The following ERP44 variants were observed in gnomAD, a reference collection of about 807,000 sequenced individuals.
ERP44 encodes endoplasmic reticulum protein 44.
A neutral mutation model predicts 53.4 loss-of-function variants in ERP44; 25 were observed. The ratio of observed to expected loss-of-function variants is 0.47; its 90% CI spans 0.34 to 0.65. The LOEUF is 0.65. Ranked by LOEUF, ERP44 falls within the 30% of genes least tolerant of loss-of-function variation. ERP44 has a pLI of 0.01. For missense variants in ERP44, 338 were observed against 493.2 expected, an observed-to-expected ratio of 0.69 and a Z score of 2.98; for synonymous variants, 145 against 161.2, an observed-to-expected ratio of 0.90 and a Z score of 0.76.
intron 1 of ERP44, among the ~76,000 whole-genome samples, chr9:100,074,740 G>A (rs1403045132): frequency 6.6e-6 from 1 of 152,186 alleles, no homozygotes; most frequent in East Asian, 1.9e-4. Context: ...GGGACTACTG[G>A]ACACTGGATC....
chr9:100,019,423 C>A (rs1189210200), intron 6 of ERP44, among the ~76,000 whole-genome samples: 2 of 152,042 alleles, frequency 1.3e-5, no homozygotes, highest in African/African-American at 4.8e-5. Flanking sequence ...AACATACAAA[C>A]AAAATCTCAC....
intron 10 of ERP44, among the ~76,000 whole-genome samples, chr9:99,997,475 A>G (rs1830325075): frequency 6.6e-6 from 1 of 152,212 alleles, no homozygotes; most frequent in Non-Finnish European, 1.5e-5. Context: ...ACATTTAACA[A>G]TTTCACTGAA....
At chr9:100,003,317 G>A (rs1830396500) in intron 10 of ERP44, among the ~76,000 whole-genome samples, 1 of 152,148 alleles carries the variant, frequency 6.6e-6, no homozygotes, top group African/African-American at 2.4e-5. Context: ...GTCAGCTTCT[G>A]GGAGATTATT....
chr9:99,983,121 T>C (rs1830164650), intron 11 of ERP44, among the ~76,000 whole-genome samples: 1 of 152,176 alleles, frequency 6.6e-6, no homozygotes, highest in South Asian at 2.1e-4. Flanking sequence ...ATCTTAGTTA[T>C]CAATTACCAG....
chr9:100,079,416 A>ACACG (rs1826396129), intron 1 of ERP44, among the ~76,000 whole-genome samples: 1 of 54,742 alleles, frequency 1.8e-5, no homozygotes, highest in African/African-American at 2.0e-4. Flanking sequence ...TCCCCTTTAC[A>ACACG]CACACACACA....
At chr9:100,055,873 C>G (rs1314243239) in intron 3 of ERP44, among the ~76,000 whole-genome samples, 19 of 152,178 alleles carry the variant, frequency 1.2e-4, no homozygotes, top group Admixed American at 1.2e-3. Flanking sequence ...TTAAACTGTG[C>G]CACATCCATA....
At chr9:100,036,360 G>C (rs1038944448) in intron 4 of ERP44, among the ~76,000 whole-genome samples, 3 of 152,200 alleles carry the variant, frequency 2.0e-5, no homozygotes, top group African/African-American at 4.8e-5. Flanking sequence ...GGATGCAGCT[G>C]GAGGCCATTA....
chr9:100,092,632 G>A (rs1163301210), intron 1 of ERP44, among the ~76,000 whole-genome samples: 1 of 152,188 alleles, frequency 6.6e-6, no homozygotes, highest in Non-Finnish European at 1.5e-5. Context: ...ACTCTATCTT[G>A]TGAGTACATT....
chr9:100,079,982 T>C (rs559529267), intron 1 of ERP44, among the ~76,000 whole-genome samples: 4 of 151,990 alleles, frequency 2.6e-5, no homozygotes, highest in African/African-American at 9.6e-5. Context: ...TCAAAGATTA[T>C]TCAGTTATAT....
chr9:100,017,328 A>T (rs1304472474), intron 7 of ERP44, among the ~76,000 whole-genome samples: 3 of 152,206 alleles, frequency 2.0e-5, no homozygotes. Context: ...GGGGAAGCGA[A>T]GAAACTTTCC....
Position 99,980,324 on chromosome 9 carries a change from C to G in ERP44, c.*2288G>C, listed in dbSNP as rs1042553285. On this transcript the variant is annotated 3_prime_UTR_variant, in exon 12 of 12. Coordinates refer to ENST00000262455, the MANE Select transcript of ERP44 (RefSeq NM_015051.3). ...ATATACTACAGCACCAAAAAACTTG[C>G]ACTGAATAAATGTCAGACTGAAATC... 5 of 328,498 alleles carry G rather than the reference C, an allele frequency of 1.5e-5. No homozygotes were observed. Among genetic ancestry groups the G allele is most frequent in the Non-Finnish European group, 2.2e-5 (4 of 182,590 alleles). The allele number at this position is 328,498 out of a possible 1,614,324, so 20.3% of individuals were successfully genotyped here.
At chr9:100,011,398 G>A (rs1359048891) in intron 8 of ERP44, among the ~76,000 whole-genome samples, 4 of 152,130 alleles carry the variant, frequency 2.6e-5, no homozygotes, top group Non-Finnish European at 4.4e-5. Context: ...TATATATCCA[G>A]TATTAAAAAG....
chr9:100,088,222 A>G (rs1253228954), intron 1 of ERP44, among the ~76,000 whole-genome samples: 1 of 152,276 alleles, frequency 6.6e-6, no homozygotes, highest in Non-Finnish European at 1.5e-5. Flanking sequence ...AGTAAACAAC[A>G]TACATAGTAA....
chr9:99,984,941 C>CA, intron 11 of ERP44, 26 bp downstream of exon 11: 1 of 1,434,328 alleles, frequency 7.0e-7, no homozygotes, highest in Non-Finnish European at 9.8e-7. Flanking sequence ...AAAGAGTTCT[C>CA]ATTGAAAAAT....
intron 4 of ERP44, among the ~76,000 whole-genome samples, chr9:100,036,430 G>A (rs1400415918): frequency 6.6e-6 from 1 of 152,064 alleles, no homozygotes; most frequent in Non-Finnish European, 1.5e-5. Context: ...ACTTTTAAAT[G>A]GGAGCAAAAC....
At chr9:100,068,617 G>C (rs1826262125) in intron 1 of ERP44, among the ~76,000 whole-genome samples, 2 of 143,374 alleles carry the variant, frequency 1.4e-5, no homozygotes, top group South Asian at 4.5e-4. Flanking sequence ...GGAGGGAGGT[G>C]GGGGGGTCAG....
intron 4 of ERP44, among the ~76,000 whole-genome samples, chr9:100,032,966 A>C (rs1382092556): frequency 6.6e-6 from 1 of 152,196 alleles, no homozygotes; most frequent in East Asian, 1.9e-4. Flanking sequence ...TTTTGCTTAA[A>C]ATGTTGCTGA....
chr9:100,010,370 T>C (rs1438132086), intron 8 of ERP44, among the ~76,000 whole-genome samples: 1 of 152,186 alleles, frequency 6.6e-6, no homozygotes, highest in Non-Finnish European at 1.5e-5. Context: ...CAAGAATTAT[T>C]AGATGTGCCA....
intron 8 of ERP44, among the ~76,000 whole-genome samples, chr9:100,007,925 C>T (rs1247552274): frequency 2.6e-5 from 4 of 152,200 alleles, no homozygotes; most frequent in Non-Finnish European, 4.4e-5. Context: ...TGCTTTGCTG[C>T]AGAAACTGAT....
Sources: allele counts gnomAD v4.1 joint callset (sites outside exome capture counted in the v4.1 genomes callset), GRCh38; gene constraint gnomAD v4.1.1; transcripts MANE v1.5; gene names NCBI Gene and HGNC (gene_info 2026-07-23, HGNC 2026-07-21).